The following PIEZO2 variants were observed in gnomAD, a reference collection of about 807,000 sequenced individuals.
The protein encoded by PIEZO2 is piezo-type mechanosensitive ion channel component 2.
PIEZO2 carries 172 observed loss-of-function variants against 337.3 expected under a neutral mutation model. That is an observed-to-expected ratio of 0.51 (90% CI 0.45 to 0.58). The LOEUF is 0.58. Among genes scored for constraint, PIEZO2 ranks in the 20% least tolerant of loss-of-function variants. PIEZO2 has a pLI of 0.00. For missense variants in PIEZO2, 3,028 were observed against 3,391.3 expected, an observed-to-expected ratio of 0.89 and a Z score of 2.66; for synonymous variants, 1,251 against 1,228.5, an observed-to-expected ratio of 1.02 and a Z score of -0.38.
At position 10,773,589 on chromosome 18, in the gene PIEZO2, T is replaced by C. The variant is rs2038681271; in HGVS notation, c.2608A>G (p.Met870Val). Residue 870 changes from methionine to valine, a missense_variant, in exon 20 of 56, where the codon ATG becomes GTG. Around this residue, in one of 5 missense-constraint regions of PIEZO2, gnomAD observed 1,925 missense variants for 2,051.9 expected, o/e 0.94. Transcript: ENST00000674853. This position sits in a 1 kb window ranked among gnomAD's most constrained non-coding sequence, Gnocchi z 5.3. The part of the protein sequence containing the change: ...PEGSLPDLTM[M>V]HLTASLEKPE... The stretch of plus-strand genomic sequence containing the variant: ...TTCTCCAGGCTGGCAGTCAGATGCA[T>C]CATGGTGAGGTCCGGGAGGCTTCCT... 1 of 1,537,210 alleles carries C rather than the reference T, an allele frequency of 6.5e-7. No homozygotes were observed. Among genetic ancestry groups the C allele is most frequent in the African/African-American group, 1.4e-5 (1 of 73,038 alleles).
intron 27 of PIEZO2, among the ~76,000 whole-genome samples, chr18:10,755,572 C>T (rs2037804648): frequency 6.6e-6 from 1 of 152,120 alleles, no homozygotes; most frequent in South Asian, 2.1e-4. Flanking sequence ...AATACGGAAA[C>T]CCAGGGAATG....
In PIEZO2 at chr18:10,894,663, A is replaced by G. The variant is rs1721114670; in HGVS notation, c.329+16523T>C. The G allele has an allele frequency of 6.6e-6, 1 of 152,252 alleles. No homozygotes were observed. The highest frequency in any genetic ancestry group is 6.5e-5 in the Admixed American group (1 of 15,276). The allele number at this position is 152,252 out of a possible 1,614,324, so 9.4% of individuals were successfully genotyped here. On this transcript the variant is annotated intron_variant, in intron 4 of 55. Coordinates refer to ENST00000674853, the MANE Select transcript of PIEZO2 (RefSeq NM_001378183.1). This position sits in a 1 kb window ranked among gnomAD's most constrained non-coding sequence, Gnocchi z 4.1. ...GGAAAGAAGGGGCGCAAGACTCCGG[A>G]CGTATGCCAACGCATAAAACCCCAA...
chr18:10,825,326 C>G (rs1434559020), intron 7 of PIEZO2, among the ~76,000 whole-genome samples: 1 of 152,008 alleles, frequency 6.6e-6, no homozygotes, highest in African/African-American at 2.4e-5. Flanking sequence ...TGGAATGCCC[C>G]TTTGTTTTGC....
chr18:10,759,818 C>T lies in PIEZO2; in HGVS notation c.3542G>A (p.Arg1181Lys). ...HACWLIAVLY[R>K]RRRKAIAEIW... ...CTCTGCGATGGCTTTCCTTCTGCGT[C>T]TATATAAGACAGCGATCAGCCAGCA... Residue 1181 changes from arginine to lysine, a missense_variant, in exon 25 of 56, where the codon AGA (arginine) becomes AAA (lysine). Arg to Lys is a conservative substitution (Grantham distance 26). Around this residue, in one of 5 missense-constraint regions of PIEZO2, gnomAD observed 1,925 missense variants for 2,051.9 expected, o/e 0.94. Coordinates refer to ENST00000674853, the MANE Select transcript of PIEZO2 (RefSeq NM_001378183.1). The surrounding 1 kb of genome is among the most constrained non-coding windows in gnomAD (Gnocchi z 5.5). The T allele has an allele frequency of 2.0e-6, 3 of 1,537,326 alleles. No homozygotes were observed. Among genetic ancestry groups the T allele is most frequent in the Non-Finnish European group, 2.6e-6 (3 of 1,146,936 alleles).
chr18:10,904,803 G>A (rs927244939), intron 4 of PIEZO2, among the ~76,000 whole-genome samples: 1 of 152,204 alleles, frequency 6.6e-6, no homozygotes, highest in Non-Finnish European at 1.5e-5. Context: ...ACTGAGATAT[G>A]GGGTTGTTCG....
At chr18:10,751,829 C>T (rs1393203863) in intron 28 of PIEZO2, among the ~76,000 whole-genome samples, 2 of 152,182 alleles carry the variant, frequency 1.3e-5, no homozygotes, top group Admixed American at 1.3e-4. Flanking sequence ...CTTAATTTCC[C>T]GCAGCACTAA....
intron 1 of PIEZO2, among the ~76,000 whole-genome samples, chr18:11,086,198 T>C (rs373403338): frequency 5.9e-5 from 9 of 152,162 alleles, no homozygotes; most frequent in Non-Finnish European, 1.0e-4. Flanking sequence ...GTCTTATTTA[T>C]CCTAATGATA....
In PIEZO2 at chr18:10,676,791, C is replaced by G. The variant is rs1473207566; in HGVS notation, c.8081+956G>C. On this transcript the variant is annotated intron_variant, in intron 53 of 55. Coordinates refer to ENST00000674853, the MANE Select transcript of PIEZO2 (RefSeq NM_001378183.1). The surrounding 1 kb of genome is among the most constrained non-coding windows in gnomAD (Gnocchi z 5.1). ...CCCACCTCTTTCCACTGAGGGTGAACGAGTGAAGTGGGTACCCACGATCGG... is the reference window on the plus strand; with the variant it reads ...CCCACCTCTTTCCACTGAGGGTGAAGGAGTGAAGTGGGTACCCACGATCGG... Among the ~76,000 whole-genome samples, 4 of 152,194 alleles carry G rather than the reference C, an allele frequency of 2.6e-5. No individual in the cohort carries two copies. Among genetic ancestry groups the G allele is most frequent in the Non-Finnish European group, 4.4e-5 (3 of 68,040 alleles).
In PIEZO2 at chr18:10,748,545, T is replaced by C. The variant is rs2037516346; in HGVS notation, c.4350A>G (p.Gln1450=). Residue 1450 remains glutamine, a synonymous_variant, in exon 30 of 56, where the codon CAA becomes CAG. Transcript: ENST00000674853. This position sits in a 1 kb window ranked among gnomAD's most constrained non-coding sequence, Gnocchi z 5.1. ...DSICFAFLLL[Q]RRVFMSYYFL... Reference sequence around the variant, plus strand: ...AATAATAACTCATGAAAACTCTTCTTTGCAGCAGGAGGAAGGCAAAACATA... The same window carrying C: ...AATAATAACTCATGAAAACTCTTCTCTGCAGCAGGAGGAAGGCAAAACATA... 6.5e-6 allele frequency: 10 copies of C among 1,536,628 alleles called. No homozygotes were observed. Among genetic ancestry groups the C allele is most frequent in the Middle Eastern group, 3.3e-4 (2 of 6,008 alleles).
chr18:11,062,974 G>A (rs865916927), intron 2 of PIEZO2, among the ~76,000 whole-genome samples: 31 of 151,982 alleles, frequency 2.0e-4, no homozygotes, highest in African/African-American at 6.8e-4. Context: ...TGTTTACTGC[G>A]GCATTATTCA....
chr18:10,867,970 G>A (rs1472937158), intron 5 of PIEZO2, among the ~76,000 whole-genome samples: 1 of 152,192 alleles, frequency 6.6e-6, no homozygotes, highest in Non-Finnish European at 1.5e-5. Flanking sequence ...GAAGTTGGCT[G>A]TCAGTAAAAT....
chr18:11,086,730 T>TA (rs1396737062), intron 1 of PIEZO2, among the ~76,000 whole-genome samples: 2 of 147,456 alleles, frequency 1.4e-5, no homozygotes, highest in African/African-American at 2.6e-5. Flanking sequence ...TTTCTTACAA[T>TA]AAAAAAGAGA....
rs1022985077 is a variant in PIEZO2 at position 10,736,725 on chromosome 18, A to G, written c.4709-15T>C. On this transcript the variant is annotated splice_polypyrimidine_tract_variant and intron_variant, in intron 33 of 55. Transcript: ENST00000674853. ...ACTCCTGACCACTAAGCAAAACAAA[A>G]TATTCACTCATTTCTTGAAAGACAT... 3 of 1,532,884 alleles carry G rather than the reference A, an allele frequency of 2.0e-6. No homozygotes were observed. The highest frequency in any genetic ancestry group is 2.7e-5 in the African/African-American group (2 of 72,888). 95.0% of individuals were successfully genotyped at this position (1,532,884 alleles called of 1,614,324 possible). A position where few individuals can be genotyped will look rare whatever the true frequency, so the allele number is the denominator to read the frequency against.
At chr18:10,693,534 AT>A (rs57545072) in intron 47 of PIEZO2, among the ~76,000 whole-genome samples, 3,520 of 146,300 alleles carry the variant, frequency 0.024, 57 homozygotes, top group Admixed American at 0.037. Flanking sequence ...CACATAAGGC[AT>A]TTTTTTTTTT....
intron 2 of PIEZO2, among the ~76,000 whole-genome samples, chr18:11,058,777 T>C (rs146479180): frequency 6.6e-6 from 1 of 151,724 alleles, no homozygotes; most frequent in Non-Finnish European, 1.5e-5. Flanking sequence ...GGACTATGTC[T>C]GATTGGTGTA....
At chr18:10,697,915 G>T in intron 44 of PIEZO2, 35 bp from the exon 45 acceptor site, 1 of 1,573,268 alleles carries the variant, frequency 6.4e-7, no homozygotes, top group Non-Finnish European at 8.6e-7. Flanking sequence ...ATGGGTGGTG[G>T]AGCCTGGGGT....
At position 10,803,918 on chromosome 18, in the gene PIEZO2, C is replaced by T. The variant is rs962106943; in HGVS notation, c.1157G>A (p.Arg386Gln). Residue 386 changes from arginine to glutamine, a missense_variant, in exon 9 of 56, where the codon CGG (arginine) becomes CAG (glutamine). Physicochemically the swap from Arg to Gln is conservative, Grantham distance 43. Transcript: ENST00000674853. ...SPIQITAGRR[R>Q]SLWYATHYPT... ...GTAATGGGTTGCGTACCACAGGCTC[C>T]GCCTCCTCCCCGCTGTTATTTGGAT... 5.9e-5 allele frequency: 91 copies of T among 1,537,308 alleles called. No homozygotes were observed. The highest frequency in any genetic ancestry group is 6.9e-5 in the Non-Finnish European group (79 of 1,146,928).
At chr18:11,020,668 A>C (rs1193210385) in intron 2 of PIEZO2, among the ~76,000 whole-genome samples, 2 of 152,162 alleles carry the variant, frequency 1.3e-5, no homozygotes, top group Admixed American at 6.5e-5. Flanking sequence ...GCCAACCACT[A>C]AATAGAAGTT....
chr18:10,799,261 A>G (rs1286971906), intron 11 of PIEZO2, among the ~76,000 whole-genome samples: 1 of 152,240 alleles, frequency 6.6e-6, no homozygotes, highest in Non-Finnish European at 1.5e-5. Flanking sequence ...TTACATACAA[A>G]TAGAGATGCA....
Sources: gnomAD v4.1 joint callset for allele counts (sites outside exome capture counted in the v4.1 genomes callset) on GRCh38, gnomAD v4.1.1 for gene constraint, gnomAD v4.1.1 regional missense constraint, Gnocchi (gnomAD v3.1) non-coding constraint, MANE v1.5 for transcripts, NCBI Gene and HGNC (gene_info 2026-07-23, HGNC 2026-07-21) for gene names.